SIK3: variants seen among roughly 807,000 people sequenced by gnomAD.
SIK3 encodes SIK family kinase 3.
SIK3 carries 28 observed loss-of-function variants against 144.2 expected under a neutral mutation model. The ratio of observed to expected loss-of-function variants is 0.19; its 90% CI spans 0.14 to 0.27. The LOEUF (loss-of-function observed/expected upper bound fraction) is 0.27. Among genes scored for constraint, SIK3 ranks in the 10% least tolerant of loss-of-function variants. The probability of loss-of-function intolerance (pLI) is 1.00; values close to 1 mark genes in which losing one functional copy is unlikely to be tolerated. For missense variants in SIK3, 1,319 were observed against 1,776.0 expected (o/e 0.74, Z 4.62); for synonymous variants, 686 against 676.3 (o/e 1.01, Z -0.22).
intron 1 of SIK3, among the ~76,000 whole-genome samples, chr11:117,020,246 T>TATATATACATATATATATATATACACAC: frequency 2.4e-5 from 3 of 127,232 alleles, no homozygotes; most frequent in South Asian, 2.6e-4. Context: ...CATATATATA[T>TATATATACATATATATATATATACACAC]ACACATACAT....
intron 21 of SIK3, among the ~76,000 whole-genome samples, chr11:116,850,716 C>T (rs1160878762): frequency 6.6e-6 from 1 of 152,238 alleles, no homozygotes; most frequent in East Asian, 1.9e-4. Flanking sequence ...ATCTCTTTCA[C>T]TGATGTCAGT....
chr11:116,966,049 G>A (rs2135441586), intron 1 of SIK3, among the ~76,000 whole-genome samples: 1 of 152,072 alleles, frequency 6.6e-6, no homozygotes, highest in East Asian at 1.9e-4. Context: ...TAGGGATCTG[G>A]GGAAGAAAAG....
At chr11:116,847,784 A>G (rs1942100793) in intron 22 of SIK3, among the ~76,000 whole-genome samples, 176 bp from the exon 23 acceptor site, 1 of 152,152 alleles carries the variant, frequency 6.6e-6, no homozygotes, top group South Asian at 2.1e-4. Context: ...CAGTGTGGGA[A>G]GCTGCTTGGC....
intron 1 of SIK3, among the ~76,000 whole-genome samples, chr11:117,052,047 C>A (rs1479870304): frequency 6.6e-6 from 1 of 151,824 alleles, no homozygotes; most frequent in Non-Finnish European, 1.5e-5. Flanking sequence ...GAGGCTGAGG[C>A]AGGAGAATTG....
intron 1 of SIK3, among the ~76,000 whole-genome samples, chr11:116,995,742 T>A (rs906450943): frequency 6.6e-6 from 1 of 152,338 alleles, no homozygotes; most frequent in African/African-American, 2.4e-5. Context: ...CTACAATAAT[T>A]ATCTTCTTCA....
At chr11:116,909,872 G>T (rs1004908228) in intron 4 of SIK3, among the ~76,000 whole-genome samples, 1 of 152,140 alleles carries the variant, frequency 6.6e-6, no homozygotes, top group African/African-American at 2.4e-5. Flanking sequence ...GAACTACTTG[G>T]TAAGACAGAG....
intron 1 of SIK3, among the ~76,000 whole-genome samples, chr11:116,999,174 G>C (rs763703329): frequency 1.3e-5 from 2 of 152,182 alleles, no homozygotes; most frequent in Non-Finnish European, 2.9e-5. Context: ...TAAAATGTTA[G>C]AACAGTTCTG....
At chr11:116,914,108 CAAAAAA>C (rs892685044) in intron 4 of SIK3, among the ~76,000 whole-genome samples, 1 of 146,924 alleles carries the variant, frequency 6.8e-6, no homozygotes, top group Non-Finnish European at 1.5e-5. Flanking sequence ...AACAAACAAA[CAAAAAA>C]AAACTTCAAA....
intron 1 of SIK3, among the ~76,000 whole-genome samples, chr11:116,996,550 T>C (rs1485318587): frequency 6.6e-6 from 1 of 152,042 alleles, no homozygotes; most frequent in Non-Finnish European, 1.5e-5. Context: ...CCGGGCACGG[T>C]GGCTCACGCC....
At chr11:116,897,366 A>G (rs1260929097) in intron 4 of SIK3, 49 bp from the exon 5 acceptor site, 1 of 1,528,106 alleles carries the variant, frequency 6.5e-7, no homozygotes, top group South Asian at 1.2e-5. Flanking sequence ...CTTTTATTAT[A>G]ACTGAGCAAA....
At chr11:116,909,170 C>A (rs1946206667) in intron 4 of SIK3, among the ~76,000 whole-genome samples, 1 of 151,934 alleles carries the variant, frequency 6.6e-6, no homozygotes, top group Non-Finnish European at 1.5e-5. Context: ...ATAATATAAT[C>A]AATATGATTC....
intron 1 of SIK3, among the ~76,000 whole-genome samples, chr11:116,994,396 T>G (rs1361861515): frequency 6.6e-6 from 1 of 152,230 alleles, no homozygotes; most frequent in African/African-American, 2.4e-5. Flanking sequence ...GTTAAGATTC[T>G]GGTTCCTGGA....
At chr11:116,960,905 C>A (rs1314243526) in intron 1 of SIK3, among the ~76,000 whole-genome samples, 1 of 152,196 alleles carries the variant, frequency 6.6e-6, no homozygotes, top group Non-Finnish European at 1.5e-5. Context: ...CTTCACTAAG[C>A]AACATAATCC....
Position 117,021,928 on chromosome 11 carries a change from C to CAAAAAAAAAAAA in SIK3, c.274-64876_274-64865dup, listed in dbSNP as rs71037444. ...ATAGCACAGTGAGCCTCTGTCTCTACAAAAAAAAAAAAAAAAAAAAAAAAA... is the reference window on the plus strand; with the variant it reads ...ATAGCACAGTGAGCCTCTGTCTCTACAAAAAAAAAAAAAAAAAAAAAAAAAAAAAAAAAAAAA... On this transcript the variant is annotated intron_variant, in intron 1 of 24. Coordinates refer to ENST00000445177, the MANE Select transcript of SIK3 (RefSeq NM_001366686.3). 7.5e-4 allele frequency among the ~76,000 whole-genome samples: 44 copies of CAAAAAAAAAAAA among 59,002 alleles called. 2 individuals carry two copies. Among genetic ancestry groups the CAAAAAAAAAAAA allele is most frequent in the African/African-American group, 1.0e-3 (21 of 20,706 alleles). 38.7% of individuals were successfully genotyped at this position (59,002 alleles called of 152,430 possible).
intron 3 of SIK3, among the ~76,000 whole-genome samples, chr11:116,939,234 G>A (rs930326539): frequency 1.2e-4 from 18 of 152,116 alleles, no homozygotes; most frequent in Admixed American, 2.0e-4. Flanking sequence ...TGCAACCTCC[G>A]CCTCCTGGGT....
In SIK3 at chr11:117,098,032, C is replaced by T. The variant is rs928209692; in HGVS notation, c.273+111G>A. On this transcript the variant is annotated intron_variant, in intron 1 of 24. Transcript: ENST00000445177. ...CTGGCTCCCTCCCGCCTCCCGGCCCCCAACGCTCCCACCACGCGCCGCGCT... is the reference window on the plus strand; with the variant it reads ...CTGGCTCCCTCCCGCCTCCCGGCCCTCAACGCTCCCACCACGCGCCGCGCT... The T allele has an allele frequency of 8.6e-6, 10 of 1,160,184 alleles. No individual in the cohort carries two copies. The East Asian group carries it at 1.7e-4, about 20-fold the overall frequency. The allele number at this position is 1,160,184 out of a possible 1,614,324, so 71.9% of individuals were successfully genotyped here. A position where few individuals can be genotyped will look rare whatever the true frequency, so the allele number is the denominator to read the frequency against.
At chr11:116,978,261 A>C (rs938337061) in intron 1 of SIK3, among the ~76,000 whole-genome samples, 2 of 152,210 alleles carry the variant, frequency 1.3e-5, no homozygotes, top group African/African-American at 2.4e-5. Flanking sequence ...TCTTCAGAAA[A>C]AAGAATCACC....
At chr11:117,068,617 C>T (rs1311560503) in intron 1 of SIK3, among the ~76,000 whole-genome samples, 1 of 152,062 alleles carries the variant, frequency 6.6e-6, no homozygotes, top group African/African-American at 2.4e-5. Flanking sequence ...ACAGGTGGCG[C>T]ATGCCTGTAG....
intron 1 of SIK3, among the ~76,000 whole-genome samples, chr11:117,054,172 G>T (rs1462017390): frequency 2.0e-5 from 3 of 152,200 alleles, no homozygotes; most frequent in Non-Finnish European, 4.4e-5. Flanking sequence ...GACCACTGAA[G>T]AATCACCAGG....
Sources: gnomAD v4.1 joint callset for allele counts (sites outside exome capture counted in the v4.1 genomes callset) on GRCh38, gnomAD v4.1.1 for gene constraint, MANE v1.5 for transcripts, NCBI Gene and HGNC (gene_info 2026-07-23, HGNC 2026-07-21) for gene names.